PXDNL: variants seen among roughly 807,000 people sequenced by gnomAD.
PXDNL encodes the protein peroxidasin like, also known as probable oxidoreductase PXDNL.
Under a neutral mutation model 150.8 loss-of-function variants are expected in PXDNL, and 145 were observed. The observed-to-expected ratio is 0.96, with a 90% CI of 0.84 to 1.10. The LOEUF (loss-of-function observed/expected upper bound fraction) is 1.10. PXDNL is among the 50% of genes least tolerant of loss of function. PXDNL has a pLI of 0.00. For synonymous variants in PXDNL, 757 were observed against 725.7 expected, an observed-to-expected ratio of 1.04 and a Z score of -0.69; for missense variants, 2,087 against 1,873.9, an observed-to-expected ratio of 1.11 and a Z score of -2.10.
At chr8:51,807,402 G>A (rs376200779) in intron 1 of PXDNL, among the ~76,000 whole-genome samples, 7 of 152,146 alleles carry the variant, frequency 4.6e-5, no homozygotes, top group Non-Finnish European at 1.0e-4. Context: ...GTTAAACCAT[G>A]AGAATCCGCC....
intron 2 of PXDNL, 83 bp from the exon 3 acceptor site, chr8:51,592,781 C>CCTG: frequency 3.4e-6 from 3 of 880,482 alleles, no homozygotes; most frequent in South Asian, 4.6e-5. Context: ...AAGTATAGTG[C>CCTG]TTTACACAAC....
chr8:51,767,903 AG>A (rs2037249333), intron 1 of PXDNL, among the ~76,000 whole-genome samples: 1 of 152,254 alleles, frequency 6.6e-6, no homozygotes, highest in Non-Finnish European at 1.5e-5. Context: ...AGTCAAGTCA[AG>A]TCAAGACATT....
At chr8:51,419,592 A>C (rs1399339571) in intron 14 of PXDNL, among the ~76,000 whole-genome samples, 1 of 152,188 alleles carries the variant, frequency 6.6e-6, no homozygotes. Context: ...CACACTTCTA[A>C]TGTTTCATAT....
intron 1 of PXDNL, among the ~76,000 whole-genome samples, chr8:51,720,017 C>T (rs1208879089): frequency 1.3e-5 from 2 of 152,200 alleles, no homozygotes; most frequent in East Asian, 3.9e-4. Context: ...CTTCTGGATT[C>T]AGCTAGGCCT....
At chr8:51,533,506 C>T (rs1034647777) in intron 4 of PXDNL, among the ~76,000 whole-genome samples, 28 of 127,004 alleles carry the variant, frequency 2.2e-4, no homozygotes, top group Non-Finnish European at 4.0e-4. Flanking sequence ...CCTCCCCCTC[C>T]CTCTCCCTCT....
chr8:51,563,849 G>A (rs763431904), intron 3 of PXDNL, among the ~76,000 whole-genome samples: 2 of 152,010 alleles, frequency 1.3e-5, no homozygotes, highest in East Asian at 1.9e-4. Flanking sequence ...TTAAAAGACA[G>A]TACAGAGCAA....
At chr8:51,390,381 TTG>T (rs1484483722) in intron 17 of PXDNL, among the ~76,000 whole-genome samples, 1 of 152,148 alleles carries the variant, frequency 6.6e-6, no homozygotes, top group Non-Finnish European at 1.5e-5. Flanking sequence ...ATCATGCAAT[TTG>T]CCTAAGATCA....
intron 1 of PXDNL, among the ~76,000 whole-genome samples, chr8:51,695,520 CATT>C (rs1470359606): frequency 6.6e-6 from 1 of 151,964 alleles, no homozygotes; most frequent in African/African-American, 2.4e-5. Context: ...TGTTTGGTGT[CATT>C]ATGTTTTGGT....
chr8:51,783,909 A>C (rs1013914010), intron 1 of PXDNL, among the ~76,000 whole-genome samples: 3 of 152,202 alleles, frequency 2.0e-5, no homozygotes, highest in African/African-American at 7.2e-5. Flanking sequence ...TTATGTTTTT[A>C]GATAGATTTG....
Position 51,411,313 on chromosome 8 carries a change from G to A in PXDNL, c.1999C>T (p.His667Tyr). Reference sequence around the variant, plus strand: ...CGTTCCCGTATCAGCTGCAGCGTGTGCTCAAAAATCTCCCCTGCTCTTGCC... The same window carrying A: ...CGTTCCCGTATCAGCTGCAGCGTGTACTCAAAAATCTCCCCTGCTCTTGCC... ...EMARAGEIFE[H>Y]TLQLIRERVK... Residue 667 changes from histidine (H) to tyrosine (Y), a missense_variant, in exon 16 of 23, where the codon CAC becomes TAC. Coordinates refer to ENST00000356297, the MANE Select transcript of PXDNL (RefSeq NM_144651.5). The A allele has an allele frequency of 6.3e-7, 1 of 1,583,146 alleles. No individual in the cohort carries two copies. Among genetic ancestry groups the A allele is most frequent in the East Asian group, 2.3e-5 (1 of 42,824 alleles).
chr8:51,392,852 T>C (rs1176873706), intron 17 of PXDNL, among the ~76,000 whole-genome samples: 1 of 152,156 alleles, frequency 6.6e-6, no homozygotes, highest in Non-Finnish European at 1.5e-5. Flanking sequence ...GTGCCATTTC[T>C]ATTGTGAGGT....
intron 1 of PXDNL, among the ~76,000 whole-genome samples, chr8:51,752,977 C>G (rs1228219566): frequency 6.6e-6 from 1 of 152,208 alleles, no homozygotes; most frequent in African/African-American, 2.4e-5. Flanking sequence ...CTGCCAGAAT[C>G]CTGGGGAAAG....
chr8:51,719,191 C>T (rs1359191553), intron 1 of PXDNL, among the ~76,000 whole-genome samples: 1 of 152,222 alleles, frequency 6.6e-6, no homozygotes, highest in African/African-American at 2.4e-5. Context: ...GCTGTTTTGT[C>T]GAATAGAAAA....
At chr8:51,524,040 T>A (rs1364920594) in intron 4 of PXDNL, among the ~76,000 whole-genome samples, 1 of 152,230 alleles carries the variant, frequency 6.6e-6, no homozygotes, top group Non-Finnish European at 1.5e-5. Flanking sequence ...TGCAGCAGGA[T>A]CTGGGCACCC....
chr8:51,438,206 G>C (rs1428848636), intron 12 of PXDNL, among the ~76,000 whole-genome samples: 1 of 152,074 alleles, frequency 6.6e-6, no homozygotes, highest in African/African-American at 2.4e-5. Context: ...CTCATGAATG[G>C]GGAGAATCAA....
At position 51,544,074 on chromosome 8, in the gene PXDNL, G is replaced by A. The variant is rs567657065; in HGVS notation, c.380+12766C>T. Among the ~76,000 whole-genome samples, 18 of 152,324 alleles carry A rather than the reference G, an allele frequency of 1.2e-4. No individual in the cohort carries two copies. The East Asian group carries it at 3.5e-3, about 29-fold the overall frequency. The stretch of plus-strand genomic sequence containing the variant: ...AAGAGTCCTCTGTGCCATTTGTAGA[G>A]CAGAAACATCCAGCTAACAGGATGT... On this transcript the variant is annotated intron_variant, in intron 4 of 22. Coordinates refer to ENST00000356297, the MANE Select transcript of PXDNL (RefSeq NM_144651.5).
intron 1 of PXDNL, among the ~76,000 whole-genome samples, chr8:51,727,642 T>C (rs2130928089): frequency 6.6e-6 from 1 of 152,110 alleles, no homozygotes; most frequent in African/African-American, 2.4e-5. Flanking sequence ...TTTTTATAAC[T>C]GACTAAAAAA....
intron 12 of PXDNL, among the ~76,000 whole-genome samples, chr8:51,443,564 T>A (rs1809604004): frequency 6.6e-6 from 1 of 152,206 alleles, no homozygotes; most frequent in Admixed American, 6.5e-5. Flanking sequence ...GAACTAAAAC[T>A]GAGAATTTAA....
chr8:51,365,010 G>A (rs1181316329), intron 19 of PXDNL, among the ~76,000 whole-genome samples: 1 of 151,956 alleles, frequency 6.6e-6, no homozygotes, highest in Non-Finnish European at 1.5e-5. Flanking sequence ...GCATGATCTC[G>A]ACTCACTGAA....
Sources: allele counts gnomAD v4.1 joint callset (sites outside exome capture counted in the v4.1 genomes callset), GRCh38; gene constraint gnomAD v4.1.1; transcripts MANE v1.5; gene names NCBI Gene and HGNC (gene_info 2026-07-23, HGNC 2026-07-21).